SLC45A2: variants seen among roughly 807,000 people sequenced by gnomAD.
The protein encoded by SLC45A2 is solute carrier family 45 member 2, also known as membrane-associated transporter protein.
A neutral mutation model predicts 45.5 loss-of-function variants in SLC45A2; 36 were observed. The ratio of observed to expected loss-of-function variants is 0.79; its 90% CI spans 0.61 to 1.04. SLC45A2 has a LOEUF of 1.04. Among genes scored for constraint, SLC45A2 ranks in the 50% least tolerant of loss-of-function variants. The pLI is 0.00. For synonymous variants in SLC45A2, 306 were observed against 269.3 expected (o/e 1.14, Z -1.33); for missense variants, 719 against 671.0 (o/e 1.07, Z -0.79).
At chr5:33,968,617 A>G (rs1328651409) in intron 2 of SLC45A2, among the ~76,000 whole-genome samples, 1 of 151,526 alleles carries the variant, frequency 6.6e-6, no homozygotes, top group African/African-American at 2.4e-5. Flanking sequence ...CCAAATATAT[A>G]GAAATATGTA....
At chr5:33,948,572 C>G (rs905134707) in intron 5 of SLC45A2, among the ~76,000 whole-genome samples, 3 of 152,194 alleles carry the variant, frequency 2.0e-5, no homozygotes, top group Non-Finnish European at 1.5e-5. Context: ...ACTAAACACT[C>G]TCACACTGAT....
At chr5:33,984,070 C>T in intron 1 of SLC45A2, 129 bp downstream of exon 1, 1 of 1,341,616 alleles carries the variant, frequency 7.5e-7, no homozygotes, top group South Asian at 1.2e-5. Flanking sequence ...AGGGGAAGTT[C>T]ATTGTAACCT....
chr5:33,982,172 G>T (rs1182109185), intron 2 of SLC45A2, 64 bp downstream of exon 2: 4 of 1,577,060 alleles, frequency 2.5e-6, no homozygotes, highest in Middle Eastern at 2.1e-4. Flanking sequence ...ACACTGGATG[G>T]CTTTAGTGGA....
At chr5:33,959,601 C>T (rs566513383) in intron 3 of SLC45A2, among the ~76,000 whole-genome samples, 13 of 152,154 alleles carry the variant, frequency 8.5e-5, no homozygotes, top group Non-Finnish European at 1.5e-4. Context: ...ACACTGCACT[C>T]ATCCTAAAAT....
At chr5:33,977,519 T>C (rs1432625200) in intron 2 of SLC45A2, among the ~76,000 whole-genome samples, 1 of 152,190 alleles carries the variant, frequency 6.6e-6, no homozygotes, top group Non-Finnish European at 1.5e-5. Flanking sequence ...TGAGGGCCCT[T>C]GTTCCTAGAA....
intron 2 of SLC45A2, 136 bp downstream of exon 2, chr5:33,982,100 G>T: frequency 1.1e-6 from 1 of 926,886 alleles, no homozygotes. Flanking sequence ...GGGAGACAGT[G>T]CCCGCATGAC....
At chr5:33,945,701 T>A (rs1751901866) in intron 6 of SLC45A2, among the ~76,000 whole-genome samples, 1 of 152,190 alleles carries the variant, frequency 6.6e-6, no homozygotes, top group African/African-American at 2.4e-5. Context: ...CACTAATTTG[T>A]TTGCTTTTCT....
chr5:33,974,572 G>A (rs945439217), intron 2 of SLC45A2, among the ~76,000 whole-genome samples: 8 of 152,278 alleles, frequency 5.3e-5, no homozygotes, highest in South Asian at 4.2e-4. Flanking sequence ...GCCGGAAAAC[G>A]TTTGCTTCAA....
At chr5:33,972,763 T>A (rs1009415165) in intron 2 of SLC45A2, 2 of 152,236 alleles carry the variant, frequency 1.3e-5, no homozygotes, top group Non-Finnish European at 2.9e-5. Flanking sequence ...CAAATTAGTA[T>A]AATAATTCAG....
At chr5:33,946,449 T>G in intron 6 of SLC45A2, 1 of 985,754 alleles carries the variant, frequency 1.0e-6, no homozygotes, top group Non-Finnish European at 1.2e-6. Flanking sequence ...GTTAAGGAAC[T>G]ATAAGCCTAT....
chr5:33,957,591 A>G (rs1468424828), intron 3 of SLC45A2, among the ~76,000 whole-genome samples: 1 of 152,210 alleles, frequency 6.6e-6, no homozygotes, highest in East Asian at 1.9e-4. Flanking sequence ...ACCTGTAAAA[A>G]TAAATGATTA....
intron 6 of SLC45A2, chr5:33,945,747 A>G (rs1751903268): frequency 6.1e-6 from 1 of 163,862 alleles, no homozygotes; most frequent in Non-Finnish European, 1.3e-5. Context: ...TTGCCTCATG[A>G]GGAAACTGAG....
chr5:33,952,003 T>C (rs1456541845), intron 4 of SLC45A2, among the ~76,000 whole-genome samples: 1 of 152,136 alleles, frequency 6.6e-6, no homozygotes, highest in Non-Finnish European at 1.5e-5. Context: ...TTCTGACTCA[T>C]CTCCACATGG....
At chr5:33,969,115 G>C (rs964238016) in intron 2 of SLC45A2, among the ~76,000 whole-genome samples, 2 of 135,636 alleles carry the variant, frequency 1.5e-5, no homozygotes, top group African/African-American at 5.4e-5. Flanking sequence ...TGACCCATTT[G>C]TTTATCAATA....
chr5:33,969,685 G>A (rs775242314), intron 2 of SLC45A2, among the ~76,000 whole-genome samples: 7 of 152,148 alleles, frequency 4.6e-5, no homozygotes, highest in South Asian at 2.1e-4. Flanking sequence ...TTCATGATGG[G>A]TGCACACATA....
intron 2 of SLC45A2, among the ~76,000 whole-genome samples, chr5:33,978,614 G>A (rs1752995025): frequency 6.6e-6 from 1 of 152,136 alleles, no homozygotes; most frequent in South Asian, 2.1e-4. Context: ...TGAATCAATT[G>A]CCAATTGAAA....
chr5:33,961,099 A>G (rs1259470794), intron 3 of SLC45A2, among the ~76,000 whole-genome samples: 1 of 152,210 alleles, frequency 6.6e-6, no homozygotes, highest in African/African-American at 2.4e-5. Flanking sequence ...TGTAATTAAT[A>G]GCTATTGAAT....
rs377218331 is a variant in SLC45A2 at position 33,951,708 on chromosome 5, C to T, written c.1033-31G>A. 1.9e-6 allele frequency: 3 copies of T among 1,613,948 alleles called. No individual in the cohort carries two copies. In the African/African-American group the frequency reaches 4.0e-5, roughly 22 times the overall value. On this transcript the variant is annotated intron_variant, in intron 4 of 6. Coordinates refer to ENST00000296589, the MANE Select transcript of SLC45A2 (RefSeq NM_016180.5). ...AGAGAGATTGGAGGCTGTTGAGGTACAAATGCAATGTAGTAAGAACCCTTC... is the reference window on the plus strand; with the variant it reads ...AGAGAGATTGGAGGCTGTTGAGGTATAAATGCAATGTAGTAAGAACCCTTC...
intron 3 of SLC45A2, among the ~76,000 whole-genome samples, chr5:33,961,148 G>C (rs895117231): frequency 2.0e-5 from 3 of 152,126 alleles, no homozygotes; most frequent in African/African-American, 7.2e-5. Flanking sequence ...CAAGCACACA[G>C]TGCAACTCAT....
Sources: gnomAD v4.1 joint callset for allele counts (sites outside exome capture counted in the v4.1 genomes callset) on GRCh38, gnomAD v4.1.1 for gene constraint, MANE v1.5 for transcripts, NCBI Gene and HGNC (gene_info 2026-07-23, HGNC 2026-07-21) for gene names.